The following ACTN4 variants were observed in gnomAD, a reference collection of about 807,000 sequenced individuals.
ACTN4 encodes the protein actinin alpha 4.
Under a neutral mutation model 114.2 loss-of-function variants are expected in ACTN4, and 18 were observed. That is an observed-to-expected ratio of 0.16 (90% CI 0.11 to 0.23). The LOEUF is 0.23. Among genes scored for constraint, ACTN4 ranks in the 10% least tolerant of loss-of-function variants. The pLI is 1.00. For missense variants in ACTN4, 722 were observed against 1,262.9 expected, an observed-to-expected ratio of 0.57 and a Z score of 6.49; for synonymous variants, 515 against 506.3, an observed-to-expected ratio of 1.02 and a Z score of -0.23.
intron 19 of ACTN4, chr19:38,728,426 C>CTCCTCT (rs1397493248): frequency 1.0e-6 from 1 of 972,232 alleles, no homozygotes; most frequent in Non-Finnish European, 1.4e-6. Context: ...CCTCCTCCTC[C>CTCCTCT]TCCTCCTCCT....
At chr19:38,701,936 A>G (rs1968290459) in intron 3 of ACTN4, among the ~76,000 whole-genome samples, 1 of 152,262 alleles carries the variant, frequency 6.6e-6, no homozygotes, top group African/African-American at 2.4e-5. Flanking sequence ...ACTCCGGGCC[A>G]GAATGTGTGT....
intron 16 of ACTN4, 28 bp from the exon 17 acceptor site, chr19:38,725,695 CA>C (rs780121917): frequency 6.2e-7 from 1 of 1,609,592 alleles, no homozygotes. Context: ...CCACCAGCCT[CA>C]CCCCACCGCC....
intron 12 of ACTN4, 37 bp from the exon 13 acceptor site, chr19:38,723,577 C>G: frequency 6.6e-7 from 1 of 1,508,372 alleles, no homozygotes; most frequent in Non-Finnish European, 9.1e-7. Flanking sequence ...AGCCACTTGC[C>G]CTTGCCGAGT....
In ACTN4 at chr19:38,715,989, C is replaced by T. The variant is rs112862233; in HGVS notation, c.913-1097C>T. Among the ~76,000 whole-genome samples the T allele has an allele frequency of 8.8e-3, 1,339 of 152,330 alleles. 17 individuals are homozygous for T. The highest frequency in any genetic ancestry group is 0.031 in the African/African-American group (1,291 of 41,566). ...CGACCTTGGCTCACTGCAACCTCTGCCTCCCAGGTTCAAGCAGTTCTCCTG... is the reference window on the plus strand; with the variant it reads ...CGACCTTGGCTCACTGCAACCTCTGTCTCCCAGGTTCAAGCAGTTCTCCTG... On this transcript the variant is annotated intron_variant, in intron 9 of 20. Coordinates refer to ENST00000252699, the MANE Select transcript of ACTN4 (RefSeq NM_004924.6).
At chr19:38,715,137 T>G (rs763988062) in intron 9 of ACTN4, among the ~76,000 whole-genome samples, 1 of 152,082 alleles carries the variant, frequency 6.6e-6, no homozygotes, top group African/African-American at 2.4e-5. Context: ...AATGCTTCAG[T>G]TGGAAATAAG....
Position 38,728,280 on chromosome 19 carries a change from C to G in ACTN4, c.2418+254C>G, listed in dbSNP as rs1336476631. 3.9e-6 allele frequency: 6 copies of G among 1,535,396 alleles called. No homozygotes were observed. In the South Asian group the frequency reaches 7.2e-5, roughly 18 times the overall value. On this transcript the variant is annotated intron_variant, in intron 19 of 20. Coordinates refer to ENST00000252699, the MANE Select transcript of ACTN4 (RefSeq NM_004924.6). ...GCGGCCCCTCTTGCCTACTCTGGGC[C>G]CGGCCTCCTCTGCTATGCCTGCGTC...
At chr19:38,718,933 TCAGACAGTGCTCACCCA>T (rs1381109266) in intron 11 of ACTN4, among the ~76,000 whole-genome samples, 3 of 152,204 alleles carry the variant, frequency 2.0e-5, no homozygotes. Flanking sequence ...GTGCTCACCC[TCAGACAGTGCTCACCCA>T]CTGCCTTCGG....
At position 38,725,920 on chromosome 19, in the gene ACTN4, C is replaced by T. The variant is rs201589746; in HGVS notation, c.2190+17C>T. On this transcript the variant is annotated intron_variant, in intron 17 of 20. Transcript: ENST00000252699. ...ACCATGGAGGTGCGCGGCTGCCCCG[C>T]CCGCTGGCCTTTCCACCAGCATGGC... is the stretch of plus-strand genomic sequence containing the variant. 6.2e-7 allele frequency: 1 copy of T among 1,613,148 alleles called. No homozygotes were observed. The highest frequency in any genetic ancestry group is 1.7e-5 in the Admixed American group (1 of 60,004).
Position 38,731,402 on chromosome 19 carries a change from TC to T in ACTN4, c.*1972del, listed in dbSNP as rs1437597335. On this transcript the variant is annotated 3_prime_UTR_variant, in exon 21 of 21. Transcript: ENST00000252699. The stretch of plus-strand genomic sequence containing the variant: ...TCAATCCTCTGGGCCTGTTTCCTCA[TC>T]CATCAAACGGACTAAGACAGCCCCG... 1 of 623,756 alleles carries T rather than the reference TC, an allele frequency of 1.6e-6. No homozygotes were observed. Among genetic ancestry groups the T allele is most frequent in the Non-Finnish European group, 2.9e-6 (1 of 343,562 alleles). The allele number at this position is 623,756 out of a possible 1,614,324, so 38.6% of individuals were successfully genotyped here. A position where few individuals can be genotyped will look rare whatever the true frequency, so the allele number is the denominator to read the frequency against.
At chr19:38,654,769 A>G (rs1976667175) in intron 1 of ACTN4, among the ~76,000 whole-genome samples, 1 of 151,998 alleles carries the variant, frequency 6.6e-6, no homozygotes, top group Admixed American at 6.6e-5. Flanking sequence ...TCCATAAACA[A>G]GAGAGGCATT....
intron 9 of ACTN4, among the ~76,000 whole-genome samples, chr19:38,716,706 A>G (rs1968852240): frequency 6.6e-6 from 1 of 152,210 alleles, no homozygotes; most frequent in South Asian, 2.1e-4. Context: ...GCTCGGAGGT[A>G]GGCACCTGTA....
At chr19:38,673,466 T>TATATATGA (rs1967202676) in intron 1 of ACTN4, among the ~76,000 whole-genome samples, 1 of 91,684 alleles carries the variant, frequency 1.1e-5, no homozygotes, top group African/African-American at 3.9e-5. Flanking sequence ...CATATATATT[T>TATATATGA]ATATATATTT....
intron 8 of ACTN4, chr19:38,711,510 G>A (rs907568983): frequency 2.0e-5 from 5 of 253,240 alleles, no homozygotes; most frequent in African/African-American, 2.3e-5. Flanking sequence ...CCTCTGACTC[G>A]GAAGGTCCCC....
At chr19:38,657,429 C>T (rs1168513163) in intron 1 of ACTN4, among the ~76,000 whole-genome samples, 2 of 152,200 alleles carry the variant, frequency 1.3e-5, no homozygotes, top group Non-Finnish European at 2.9e-5. Context: ...AGGCATGAGC[C>T]ACTGTGCCCG....
At chr19:38,698,738 T>G (rs1968172780) in intron 1 of ACTN4, among the ~76,000 whole-genome samples, 1 of 152,066 alleles carries the variant, frequency 6.6e-6, no homozygotes, top group African/African-American at 2.4e-5. Context: ...TTCTCCATGG[T>G]GAGAGGTGGT....
At position 38,700,731 on chromosome 19, in the gene ACTN4, C is replaced by T. The variant is rs367547415; in HGVS notation, c.277+17C>T. 1.9e-5 allele frequency: 30 copies of T among 1,602,258 alleles called. No individual in the cohort carries two copies. The highest frequency in any genetic ancestry group is 8.3e-5 in the Admixed American group (5 of 59,994). On this transcript the variant is annotated intron_variant, in intron 2 of 20. Transcript: ENST00000252699. ...TCATATCAGGTGAGACTCCCAGCCA[C>T]GCAGTGCGGCCGAGCCCTGGCACAG...
Position 38,731,042 on chromosome 19 carries a change from GGTGA to G in ACTN4, c.*1614_*1617del. 6.4e-7 allele frequency: 1 copy of G among 1,557,644 alleles called. No homozygotes were observed. Among genetic ancestry groups the G allele is most frequent in the South Asian group, 1.2e-5 (1 of 84,798 alleles). Reference sequence around the variant, plus strand: ...CAGTGGCCTGTGCAGAGAGGGGCAGGGTGAGTGCCCACCAGTCCCCGTACCCCTT... The same window carrying G: ...CAGTGGCCTGTGCAGAGAGGGGCAGGGTGCCCACCAGTCCCCGTACCCCTT... On this transcript the variant is annotated 3_prime_UTR_variant, in exon 21 of 21. Transcript: ENST00000252699.
At chr19:38,721,026 A>T (rs1467654261) in intron 11 of ACTN4, among the ~76,000 whole-genome samples, 1 of 152,198 alleles carries the variant, frequency 6.6e-6, no homozygotes, top group Non-Finnish European at 1.5e-5. Context: ...GCCCCAATGC[A>T]CACAGGACAC....
rs1386787017 is a variant in ACTN4, at chr19:38,729,437, C to T, written c.*5C>T. The T allele has an allele frequency of 2.5e-6, 4 of 1,612,702 alleles. No individual in the cohort carries two copies. Among genetic ancestry groups the T allele is most frequent in the Admixed American group, 1.7e-5 (1 of 59,996 alleles). On this transcript the variant is annotated 3_prime_UTR_variant, in exon 21 of 21. Coordinates refer to ENST00000252699, the MANE Select transcript of ACTN4 (RefSeq NM_004924.6). ...TATGGCGAGAGCGACCTGTGAGGCC[C>T]CAGAGACCTGACCCAACACCCCCGA...
Sources: allele counts gnomAD v4.1 joint callset (sites outside exome capture counted in the v4.1 genomes callset), GRCh38; gene constraint gnomAD v4.1.1; transcripts MANE v1.5; gene names NCBI Gene and HGNC (gene_info 2026-07-23, HGNC 2026-07-21).